The following ENOX1 variants were observed in gnomAD, a reference collection of about 807,000 sequenced individuals.
ENOX1 encodes candidate growth-related and time keeping constitutive hydroquinone (NADH) oxidase.
ENOX1 carries 42 observed loss-of-function variants against 82.5 expected under a neutral mutation model. That is an observed-to-expected ratio of 0.51 (90% CI 0.40 to 0.66). The LOEUF is 0.66. Among genes scored for constraint, ENOX1 ranks in the 30% least tolerant of loss-of-function variants. The pLI is 0.00. For missense variants in ENOX1, 608 were observed against 811.6 expected (o/e 0.75, Z 3.05); for synonymous variants, 271 against 282.2 (o/e 0.96, Z 0.40).
intron 2 of ENOX1, among the ~76,000 whole-genome samples, chr13:43,575,311 A>C (rs1406377575): frequency 6.6e-6 from 1 of 152,220 alleles, no homozygotes; most frequent in Non-Finnish European, 1.5e-5. Context: ...GGAAGCAAAC[A>C]GTACCTGCTT....
chr13:43,272,665 CCATTAA>C (rs1043828083), intron 12 of ENOX1, among the ~76,000 whole-genome samples: 22 of 152,098 alleles, frequency 1.4e-4, no homozygotes, highest in Middle Eastern at 3.2e-3. Context: ...TTCTGACTCT[CCATTAA>C]CATTATCTGT....
intron 12 of ENOX1, among the ~76,000 whole-genome samples, chr13:43,284,771 GGTGT>G (rs72187459): frequency 0.21 from 29,833 of 143,416 alleles, 2,961 homozygotes; most frequent in South Asian, 0.27. Flanking sequence ...ATTTGTTAAA[GGTGT>G]GTGTGTGTGT....
chr13:43,485,739 A>C (rs1477475117), intron 2 of ENOX1, among the ~76,000 whole-genome samples: 1 of 152,222 alleles, frequency 6.6e-6, no homozygotes, highest in Non-Finnish European at 1.5e-5. Flanking sequence ...ACTCTTCTTA[A>C]AACCTCATAC....
chr13:43,674,089 C>G (rs1249569402), intron 1 of ENOX1, among the ~76,000 whole-genome samples: 3 of 152,136 alleles, frequency 2.0e-5, no homozygotes, highest in Non-Finnish European at 4.4e-5. Flanking sequence ...AAACCAGGAG[C>G]AGAGTGAATG....
intron 1 of ENOX1, among the ~76,000 whole-genome samples, chr13:43,769,921 T>A (rs977441381): frequency 6.6e-6 from 1 of 152,190 alleles, no homozygotes; most frequent in Admixed American, 6.5e-5. Flanking sequence ...CTGGCAATAG[T>A]GTAGTTTCAT....
intron 3 of ENOX1, among the ~76,000 whole-genome samples, chr13:43,435,171 G>A (rs1003508697): frequency 1.3e-5 from 2 of 151,900 alleles, no homozygotes; most frequent in Admixed American, 1.3e-4. Context: ...GAAACTGATG[G>A]GCCACGCAAT....
chr13:43,473,263 G>A (rs1422915623), intron 3 of ENOX1, among the ~76,000 whole-genome samples: 2 of 152,094 alleles, frequency 1.3e-5, no homozygotes, highest in Non-Finnish European at 2.9e-5. Context: ...AAGAAACTAT[G>A]ACTAATGGAT....
At chr13:43,669,836 A>G (rs989282133) in intron 1 of ENOX1, among the ~76,000 whole-genome samples, 13 of 152,186 alleles carry the variant, frequency 8.5e-5, no homozygotes, top group African/African-American at 3.1e-4. Context: ...AAAACTTTCA[A>G]AACCTAGCAT....
intron 1 of ENOX1, among the ~76,000 whole-genome samples, chr13:43,754,087 T>A (rs1387282980): frequency 2.1e-5 from 3 of 141,308 alleles, no homozygotes; most frequent in Non-Finnish European, 4.6e-5. Context: ...TACACATATA[T>A]ACGTATATAT....
intron 16 of ENOX1, among the ~76,000 whole-genome samples, chr13:43,221,958 C>T (rs755160001): frequency 1.6e-4 from 25 of 152,096 alleles, no homozygotes; most frequent in Non-Finnish European, 3.4e-4. Flanking sequence ...ATCCCTGGTG[C>T]CCAGCAGTTT....
intron 1 of ENOX1, among the ~76,000 whole-genome samples, chr13:43,717,142 T>C (rs879348612): frequency 2.6e-5 from 4 of 152,184 alleles, no homozygotes; most frequent in East Asian, 1.9e-4. Context: ...CTTCGAACTA[T>C]ACTTTAAGGC....
Position 43,403,050 on chromosome 13 carries a change from T to C in ENOX1, c.208+8866A>G, listed in dbSNP as rs568392677. Among the ~76,000 whole-genome samples, 4 of 152,182 alleles carry C rather than the reference T, an allele frequency of 2.6e-5. No individual in the cohort carries two copies. The East Asian group carries it at 7.7e-4, about 29-fold the overall frequency. ...CAAAAATTATATATTATAGATTATATATTTAATACATGTACATATGTCAAT... is the reference window on the plus strand; with the variant it reads ...CAAAAATTATATATTATAGATTATACATTTAATACATGTACATATGTCAAT... On this transcript the variant is annotated intron_variant, in intron 5 of 16. Coordinates refer to ENST00000690772, the MANE Select transcript of ENOX1 (RefSeq NM_001347969.2).
chr13:43,465,025 T>C (rs75390807), intron 3 of ENOX1, among the ~76,000 whole-genome samples: 3,094 of 152,266 alleles, frequency 0.02, 118 homozygotes, highest in African/African-American at 0.07. Flanking sequence ...TCTCATCACA[T>C]CACATCAGGG....
chr13:43,446,220 T>C (rs1377917749), intron 3 of ENOX1, among the ~76,000 whole-genome samples: 2 of 152,070 alleles, frequency 1.3e-5, no homozygotes, highest in East Asian at 1.9e-4. Flanking sequence ...AACTGCCATA[T>C]AAAAATGGCC....
chr13:43,279,590 T>C (rs988381732), intron 12 of ENOX1, among the ~76,000 whole-genome samples: 1 of 152,242 alleles, frequency 6.6e-6, no homozygotes, highest in African/African-American at 2.4e-5. Flanking sequence ...GTTTTTCACT[T>C]TCTTCACATG....
intron 3 of ENOX1, among the ~76,000 whole-genome samples, chr13:43,434,936 G>GTTT (rs1259674451): frequency 1.5e-5 from 1 of 67,846 alleles, no homozygotes; most frequent in African/African-American, 4.5e-5. Flanking sequence ...GTGTGTGTGT[G>GTTT]GTTTTTTTTT....
At chr13:43,465,952 CT>C (rs2057700179) in intron 3 of ENOX1, among the ~76,000 whole-genome samples, 1 of 152,054 alleles carries the variant, frequency 6.6e-6, no homozygotes, top group Non-Finnish European at 1.5e-5. Context: ...TATAAAAGGG[CT>C]TTATTTTTAT....
intron 1 of ENOX1, among the ~76,000 whole-genome samples, chr13:43,670,015 T>C (rs2085180030): frequency 6.6e-6 from 1 of 152,146 alleles, no homozygotes. Context: ...GTTACTCTTA[T>C]TCCTCTTTCT....
At chr13:43,734,742 C>A (rs1010249455) in intron 1 of ENOX1, among the ~76,000 whole-genome samples, 4 of 152,124 alleles carry the variant, frequency 2.6e-5, no homozygotes, top group Admixed American at 6.5e-5. Flanking sequence ...ACAGAGCATT[C>A]CTATTGAAGG....
Sources: gnomAD v4.1 joint callset for allele counts (sites outside exome capture counted in the v4.1 genomes callset) on GRCh38, gnomAD v4.1.1 for gene constraint, MANE v1.5 for transcripts, NCBI Gene and HGNC (gene_info 2026-07-23, HGNC 2026-07-21) for gene names.